PLGRKT: variants seen among roughly 807,000 people sequenced by gnomAD.
PLGRKT encodes the protein plasminogen receptor with a C-terminal lysine.
In PLGRKT, 22 loss-of-function variants were observed where a neutral mutation model predicts 18.5. The observed-to-expected ratio is 1.19, with a 90% confidence interval of 0.85 to 1.70. The LOEUF (loss-of-function observed/expected upper bound fraction) is 1.70, where lower values mean the gene tolerates loss of function less well. Ranked by LOEUF, PLGRKT falls within the 40% of genes most tolerant of loss-of-function variation. PLGRKT has a pLI of 0.00. For missense variants in PLGRKT, 235 were observed against 174.4 expected (o/e 1.35, Z -1.96); for synonymous variants, 72 against 52.8 (o/e 1.36, Z -1.58).
chr9:5,388,676 A>C (rs1484595574), intron 3 of PLGRKT, among the ~76,000 whole-genome samples: 1 of 152,032 alleles, frequency 6.6e-6, no homozygotes, highest in Admixed American at 6.5e-5. Flanking sequence ...GTCATGGAGA[A>C]ATGAAGTGTT....
intron 3 of PLGRKT, among the ~76,000 whole-genome samples, chr9:5,403,694 C>A (rs1448700608): frequency 6.6e-6 from 1 of 152,160 alleles, no homozygotes; most frequent in African/African-American, 2.4e-5. Flanking sequence ...AAACTTCTAT[C>A]CTGGAAGCAA....
intron 1 of PLGRKT, among the ~76,000 whole-genome samples, 185 bp from the exon 2 acceptor site, chr9:5,436,879 A>C (rs1166449898): frequency 6.6e-6 from 1 of 152,246 alleles, no homozygotes; most frequent in Non-Finnish European, 1.5e-5. Context: ...GTATCAGAAA[A>C]TAAGCAAAAT....
In PLGRKT at chr9:5,358,316, G is replaced by A. The variant is rs1421615078; in HGVS notation, c.367C>T (p.Leu123=). ...ILETEKSKLQ[L]PRGMITFESI... ...TCAAAAGTGATCATTCCTCTTGGCA[G>A]CTGCAATTTACTCTTTTCTGTTTCC... The change falls in exon 6 of 6, where the codon CTG becomes TTG. Residue 123 remains leucine, a synonymous_variant. Transcript: ENST00000223864. 3 of 1,609,032 alleles carry A rather than the reference G, an allele frequency of 1.9e-6. No homozygotes were observed. Among genetic ancestry groups the A allele is most frequent in the Non-Finnish European group, 2.6e-6 (3 of 1,175,764 alleles).
intron 3 of PLGRKT, among the ~76,000 whole-genome samples, chr9:5,379,898 C>T (rs887091136): frequency 2.6e-5 from 4 of 151,994 alleles, no homozygotes; most frequent in East Asian, 3.8e-4. Context: ...ATTTCATGTC[C>T]GGGAAGTTAC....
chr9:5,432,467 C>T (rs935344610), intron 2 of PLGRKT, among the ~76,000 whole-genome samples: 2 of 152,154 alleles, frequency 1.3e-5, no homozygotes, highest in African/African-American at 4.8e-5. Flanking sequence ...TTTGCATTTG[C>T]GTTTTAAGAA....
Position 5,399,445 on chromosome 9 carries a change from T to A in PLGRKT, c.81+32452A>T, listed in dbSNP as rs138291653. Among the ~76,000 whole-genome samples the A allele has an allele frequency of 1.8e-3, 272 of 151,928 alleles. 8 individuals are homozygous for A. Among genetic ancestry groups the A allele is most frequent in the African/African-American group, 6.5e-3 (269 of 41,260 alleles). ...CCTTTTATATGCTCAATAGGCAGATTTTTTTTCCCTTTTCTTTAGAGTTGT... is the reference window on the plus strand; with the variant it reads ...CCTTTTATATGCTCAATAGGCAGATATTTTTTCCCTTTTCTTTAGAGTTGT... On this transcript the variant is annotated intron_variant, in intron 3 of 5. Transcript: ENST00000223864.
At chr9:5,430,725 C>T (rs969090739) in intron 3 of PLGRKT, among the ~76,000 whole-genome samples, 2 of 152,222 alleles carry the variant, frequency 1.3e-5, no homozygotes, top group African/African-American at 4.8e-5. Context: ...CCACTAGCTA[C>T]ATGCCTTACC....
chr9:5,393,560 C>G (rs1238997623), intron 3 of PLGRKT, among the ~76,000 whole-genome samples: 1 of 151,736 alleles, frequency 6.6e-6, no homozygotes, highest in East Asian at 1.9e-4. Context: ...CAAATATGGA[C>G]CTTCTCAAAG....
At chr9:5,390,612 A>G (rs1342863078) in intron 3 of PLGRKT, among the ~76,000 whole-genome samples, 1 of 151,764 alleles carries the variant, frequency 6.6e-6, no homozygotes, top group East Asian at 1.9e-4. Flanking sequence ...AGCCAGAGAG[A>G]CCCAGATCTT....
At chr9:5,374,425 T>A (rs1393747213) in intron 3 of PLGRKT, among the ~76,000 whole-genome samples, 1 of 152,230 alleles carries the variant, frequency 6.6e-6, no homozygotes, top group Non-Finnish European at 1.5e-5. Context: ...AGACAAGACA[T>A]GGTCTTTAAA....
intron 3 of PLGRKT, among the ~76,000 whole-genome samples, chr9:5,414,984 A>T (rs1818431547): frequency 6.6e-6 from 1 of 152,222 alleles, no homozygotes; most frequent in Non-Finnish European, 1.5e-5. Context: ...ATATACATAC[A>T]TGTCTTTGCT....
At chr9:5,415,390 A>C (rs540092163) in intron 3 of PLGRKT, among the ~76,000 whole-genome samples, 22 of 152,362 alleles carry the variant, frequency 1.4e-4, no homozygotes, top group Admixed American at 1.2e-3. Flanking sequence ...GATGAAATGA[A>C]GTAAATAAAA....
At chr9:5,420,968 T>C (rs1381080313) in intron 3 of PLGRKT, among the ~76,000 whole-genome samples, 1 of 152,278 alleles carries the variant, frequency 6.6e-6, no homozygotes, top group African/African-American at 2.4e-5. Context: ...CTTTAACTTT[T>C]ATGTATTTCA....
At position 5,364,434 on chromosome 9, in the gene PLGRKT, T is replaced by A. The variant is rs149152980; in HGVS notation, c.82-2546A>T. Among the ~76,000 whole-genome samples the A allele has an allele frequency of 3.3e-3, 495 of 152,274 alleles. 1 individual carries two copies. The highest frequency in any genetic ancestry group is 5.2e-3 in the Non-Finnish European group (357 of 68,028). ...GTATGGTACTATCGTGGTGGATACA[T>A]GACATTCTGCATTTGTCAAAACTCA... On this transcript the variant is annotated intron_variant, in intron 3 of 5. Coordinates refer to ENST00000223864, the MANE Select transcript of PLGRKT (RefSeq NM_018465.4).
chr9:5,432,967 G>A (rs546839418), intron 2 of PLGRKT, among the ~76,000 whole-genome samples: 15 of 151,720 alleles, frequency 9.9e-5, no homozygotes, highest in African/African-American at 3.4e-4. Flanking sequence ...TGTCTGGGAG[G>A]TGAGGAGCAT....
At chr9:5,398,614 T>C (rs958297674) in intron 3 of PLGRKT, among the ~76,000 whole-genome samples, 9 of 151,688 alleles carry the variant, frequency 5.9e-5, no homozygotes, top group African/African-American at 2.0e-4. Context: ...TGGCATTTCT[T>C]CTCCACTGCA....
At chr9:5,377,627 T>C (rs1817655212) in intron 3 of PLGRKT, among the ~76,000 whole-genome samples, 1 of 152,228 alleles carries the variant, frequency 6.6e-6, no homozygotes, top group East Asian at 1.9e-4. Flanking sequence ...GGAGTTTCTG[T>C]AGAAGAAACT....
chr9:5,387,532 G>T (rs1817866918), intron 3 of PLGRKT, among the ~76,000 whole-genome samples: 2 of 151,872 alleles, frequency 1.3e-5, no homozygotes, highest in Admixed American at 1.3e-4. Context: ...GTTGAATTAA[G>T]AAAACAGACA....
rs751660972 is a variant in PLGRKT, at chr9:5,361,169, C to T, written c.231G>A (p.Lys77=). 22 of 1,605,886 alleles carry T rather than the reference C, an allele frequency of 1.4e-5. No homozygotes were observed. Among genetic ancestry groups the T allele is most frequent in the Non-Finnish European group, 1.8e-5 (21 of 1,174,622 alleles). The change falls in exon 5 of 6, where the codon AAG becomes AAA. Residue 77 remains lysine, a synonymous_variant. Coordinates refer to ENST00000223864, the MANE Select transcript of PLGRKT (RefSeq NM_018465.4). ...SLTAGAIKKK[K]PAFLVPIVPL... ...GAACAATCGGGACCAGGAAGGCTGG[C>T]TTCTTTTTTTTAATCGCTCTGTTTC... is the stretch of plus-strand genomic sequence containing the variant.
Sources: allele counts gnomAD v4.1 joint callset (sites outside exome capture counted in the v4.1 genomes callset), GRCh38; gene constraint gnomAD v4.1.1; transcripts MANE v1.5; gene names NCBI Gene and HGNC (gene_info 2026-07-23, HGNC 2026-07-21).